The following PCDH9 variants were observed in gnomAD, a reference collection of about 807,000 sequenced individuals.
PCDH9 encodes protocadherin 9.
Under a neutral mutation model 70.6 loss-of-function variants are expected in PCDH9, and 24 were observed. That is an observed-to-expected ratio of 0.34 (90% CI 0.25 to 0.48). The LOEUF (loss-of-function observed/expected upper bound fraction) is 0.48, where lower values mean the gene tolerates loss of function less well. PCDH9 is among the 20% of genes least tolerant of loss of function. The pLI, the probability that PCDH9 is intolerant of heterozygous loss-of-function variation, is 0.99. For synonymous variants in PCDH9, 562 were observed against 558.5 expected, an observed-to-expected ratio of 1.01 and a Z score of -0.09; for missense variants, 1,281 against 1,503.6, an observed-to-expected ratio of 0.85 and a Z score of 2.45.
intron 4 of PCDH9, among the ~76,000 whole-genome samples, chr13:66,513,264 C>A (rs1343056766): frequency 7.0e-6 from 1 of 142,386 alleles, no homozygotes; most frequent in South Asian, 2.2e-4. Context: ...TTTCTTGTAT[C>A]CTTTTATTAT....
intron 2 of PCDH9, chr13:67,225,074 A>G (rs1050255970): frequency 3.5e-6 from 4 of 1,145,052 alleles, no homozygotes; most frequent in Non-Finnish European, 3.2e-6. Flanking sequence ...CAATTTGGAA[A>G]CCCCCAGGAG....
rs1422708848 is a variant in PCDH9, at chr13:67,227,930, T to G, written c.511A>C (p.Thr171Pro). The change falls in exon 2 of 5, where the codon ACA (threonine) becomes CCA (proline). Residue 171 changes from threonine to proline, a missense_variant. Around this residue, in one of 4 missense-constraint regions of PCDH9, gnomAD observed 798 missense variants for 1,003.1 expected, o/e 0.80. Coordinates refer to ENST00000377865, the MANE Select transcript of PCDH9 (RefSeq NM_203487.3). The surrounding 1 kb of genome is among the most constrained non-coding windows in gnomAD (Gnocchi z 4.6). ...TAATGCTGTACACCATTGAAGCCTG[T>G]GTCAGGATCTGTTGCTGATGGAATT... ...FPIPSATDPD[T>P]GFNGVQHYEL... 1 of 1,614,178 alleles carries G rather than the reference T, an allele frequency of 6.2e-7. No homozygotes were observed. The highest frequency in any genetic ancestry group is 8.5e-7 in the Non-Finnish European group (1 of 1,180,040).
chr13:66,729,789 T>G (rs1263063715), intron 3 of PCDH9, among the ~76,000 whole-genome samples: 1 of 152,166 alleles, frequency 6.6e-6, no homozygotes, highest in Non-Finnish European at 1.5e-5. Flanking sequence ...CATGAAGCAT[T>G]TCCTGAAATG....
At chr13:67,219,680 G>T (rs112549396) in intron 2 of PCDH9, 1 of 151,950 alleles carries the variant, frequency 6.6e-6, no homozygotes, top group Non-Finnish European at 1.5e-5. Flanking sequence ...CTGATATAAT[G>T]GTTAGGGTCC....
intron 4 of PCDH9, among the ~76,000 whole-genome samples, chr13:66,312,271 C>T (rs1955574897): frequency 6.6e-6 from 1 of 152,132 alleles, no homozygotes; most frequent in African/African-American, 2.4e-5. Context: ...ATCGATACAA[C>T]ATGAGAATCA....
At chr13:66,493,754 G>C (rs1013553268) in intron 4 of PCDH9, among the ~76,000 whole-genome samples, 1 of 152,026 alleles carries the variant, frequency 6.6e-6, no homozygotes, top group African/African-American at 2.4e-5. Flanking sequence ...AAAGTTTGAA[G>C]GATTAACTGA....
At chr13:66,915,365 T>C (rs1665696596) in intron 2 of PCDH9, among the ~76,000 whole-genome samples, 1 of 151,604 alleles carries the variant, frequency 6.6e-6, no homozygotes, top group African/African-American at 2.4e-5. Flanking sequence ...CCTTACATGA[T>C]AAGGATCTAA....
At chr13:66,350,392 A>G (rs1956275676) in intron 4 of PCDH9, among the ~76,000 whole-genome samples, 1 of 151,772 alleles carries the variant, frequency 6.6e-6, no homozygotes, top group South Asian at 2.1e-4. Flanking sequence ...TGGAGCAAAC[A>G]CTCTCTTGGA....
intron 3 of PCDH9, among the ~76,000 whole-genome samples, chr13:66,659,676 AT>A (rs368848878): frequency 5.3e-4 from 78 of 148,406 alleles, no homozygotes; most frequent in African/African-American, 1.6e-3. Context: ...CTTTTTAAAC[AT>A]TTTTTTTTTC....
At chr13:67,187,241 T>A (rs1462716790) in intron 2 of PCDH9, among the ~76,000 whole-genome samples, 1 of 152,170 alleles carries the variant, frequency 6.6e-6, no homozygotes, top group African/African-American at 2.4e-5. Context: ...AGGATGCCTC[T>A]CTGATCCTCC....
chr13:67,053,350 T>C (rs1017737378), intron 2 of PCDH9, among the ~76,000 whole-genome samples: 4 of 152,036 alleles, frequency 2.6e-5, no homozygotes, highest in African/African-American at 7.2e-5. Flanking sequence ...AAGCCACAAA[T>C]AGCACAGACG....
chr13:66,768,005 C>T (rs1235071859), intron 3 of PCDH9, among the ~76,000 whole-genome samples: 1 of 152,002 alleles, frequency 6.6e-6, no homozygotes, highest in Non-Finnish European at 1.5e-5. Context: ...ATCAATTCTT[C>T]CGTGGAAAAG....
intron 3 of PCDH9, among the ~76,000 whole-genome samples, chr13:66,837,998 A>T (rs2081051333): frequency 6.6e-6 from 1 of 152,214 alleles, no homozygotes; most frequent in South Asian, 2.1e-4. Flanking sequence ...ATAAAGAAAA[A>T]AATTTAACAT....
intron 4 of PCDH9, among the ~76,000 whole-genome samples, chr13:66,320,047 C>A (rs1955725816): frequency 1.3e-5 from 2 of 151,952 alleles, no homozygotes; most frequent in South Asian, 4.1e-4. Context: ...CTTAAAGTAT[C>A]CTTGTGAGTT....
chr13:66,834,444 T>C (rs1322669365), intron 3 of PCDH9, among the ~76,000 whole-genome samples: 5 of 152,106 alleles, frequency 3.3e-5, no homozygotes, highest in African/African-American at 1.2e-4. Flanking sequence ...TCCCAGCCCC[T>C]GATGGTCTTT....
At chr13:66,622,865 G>C (rs958216704) in intron 4 of PCDH9, among the ~76,000 whole-genome samples, 2 of 152,260 alleles carry the variant, frequency 1.3e-5, no homozygotes, top group Middle Eastern at 6.8e-3. Context: ...CTCACTCTTT[G>C]TGTCCACACT....
intron 2 of PCDH9, among the ~76,000 whole-genome samples, chr13:66,958,765 C>T (rs1353981116): frequency 6.6e-6 from 1 of 152,156 alleles, no homozygotes; most frequent in Non-Finnish European, 1.5e-5. Flanking sequence ...CTAAGTTAAA[C>T]ATAAATAGGA....
At chr13:66,411,426 A>G (rs937981994) in intron 4 of PCDH9, among the ~76,000 whole-genome samples, 2 of 152,178 alleles carry the variant, frequency 1.3e-5, no homozygotes, top group Non-Finnish European at 2.9e-5. Context: ...AGCTGGGACT[A>G]CAGGTGCATC....
At chr13:67,088,842 A>G (rs2086161070) in intron 2 of PCDH9, among the ~76,000 whole-genome samples, 1 of 152,050 alleles carries the variant, frequency 6.6e-6, no homozygotes, top group Admixed American at 6.6e-5. Context: ...GAACACTACA[A>G]GGAAGACAAT....
Sources: gnomAD v4.1 joint callset for allele counts (sites outside exome capture counted in the v4.1 genomes callset) on GRCh38, gnomAD v4.1.1 for gene constraint, gnomAD v4.1.1 regional missense constraint, Gnocchi (gnomAD v3.1) non-coding constraint, MANE v1.5 for transcripts, NCBI Gene and HGNC (gene_info 2026-07-23, HGNC 2026-07-21) for gene names.